The following ARID2 variants were observed in gnomAD, a reference collection of about 807,000 sequenced individuals.
ARID2 encodes the protein AT-rich interaction domain 2.
A neutral mutation model predicts 184.6 loss-of-function variants in ARID2; 32 were observed. The observed-to-expected ratio is 0.17, with a 90% confidence interval of 0.13 to 0.23. The LOEUF is 0.23. ARID2 is among the 10% of genes least tolerant of loss of function. The probability of loss-of-function intolerance (pLI) is 1.00; values close to 1 mark genes in which losing one functional copy is unlikely to be tolerated. For synonymous variants in ARID2, 836 were observed against 772.6 expected, an observed-to-expected ratio of 1.08 and a Z score of -1.36; for missense variants, 1,696 against 2,197.6, an observed-to-expected ratio of 0.77 and a Z score of 4.56.
In ARID2 at chr12:45,839,346, G is replaced by A. The variant is rs371956323; in HGVS notation, c.1348G>A (p.Val450Ile). The A allele has an allele frequency of 1.6e-5, 26 of 1,611,336 alleles. 1 individual carries two copies. The African/African-American group carries it at 3.1e-4, about 19-fold the overall frequency. ...EKSIDMLVCL[V>I]SMDIQMFGPD... ...TATTTTAGACATGTTAGTGTGTCTG[G>A]TTTCTATGGATATTCAGATGTTTGG... Residue 450 changes from valine to isoleucine, a missense_variant, in exon 11 of 21, where the codon GTT becomes ATT. Val to Ile is a conservative substitution (Grantham distance 29). This residue lies in a region of ARID2 where 86 missense variants were observed against 200.8 expected (regional missense o/e 0.43). Coordinates refer to ENST00000334344, the MANE Select transcript of ARID2 (RefSeq NM_152641.4).
Position 45,730,035 on chromosome 12 carries a change from C to T in ARID2, c.93-9C>T, listed in dbSNP as rs1241609790. 1.2e-5 allele frequency: 20 copies of T among 1,612,770 alleles called. No homozygotes were observed. The highest frequency in any genetic ancestry group is 1.6e-5 in the Non-Finnish European group (19 of 1,179,554). On this transcript the variant is annotated splice_polypyrimidine_tract_variant and intron_variant, in intron 1 of 20. Coordinates refer to ENST00000334344, the MANE Select transcript of ARID2 (RefSeq NM_152641.4). Reference sequence around the variant, plus strand: ...GGCTGACAAGTGCGGGGCTTTTTCTCTCCCGCAGGTCGCCTTTTAAAAAAA... The same window carrying T: ...GGCTGACAAGTGCGGGGCTTTTTCTTTCCCGCAGGTCGCCTTTTAAAAAAA...
chr12:45,870,884 A>G (rs753188719), intron 16 of ARID2, among the ~76,000 whole-genome samples: 28 of 152,260 alleles, frequency 1.8e-4, no homozygotes, highest in Admixed American at 2.0e-4. Context: ...ATTGCTTCCA[A>G]TTACTGGCAA....
At chr12:45,810,568 A>G (rs753137101) in intron 3 of ARID2, among the ~76,000 whole-genome samples, 5 of 152,326 alleles carry the variant, frequency 3.3e-5, no homozygotes, top group Middle Eastern at 3.4e-3. Flanking sequence ...TAATGTATCA[A>G]TAGGATCAAA....
At chr12:45,885,459 G>A (rs901011740) in intron 16 of ARID2, among the ~76,000 whole-genome samples, 114 of 151,888 alleles carry the variant, frequency 7.5e-4, no homozygotes, top group African/African-American at 2.7e-3. Flanking sequence ...AGGTGAGTTT[G>A]TTTGTTTGTT....
intron 12 of ARID2, 38 bp downstream of exon 12, chr12:45,846,975 A>G: frequency 4.4e-6 from 7 of 1,583,936 alleles, no homozygotes; most frequent in Non-Finnish European, 6.1e-6. Flanking sequence ...TATCCTTGGG[A>G]GGAGTAAAGC....
At chr12:45,835,420 A>G (rs906761623) in intron 6 of ARID2, among the ~76,000 whole-genome samples, 8 of 152,050 alleles carry the variant, frequency 5.3e-5, no homozygotes, top group African/African-American at 1.4e-4. Context: ...TTTTTGTGCA[A>G]TGGATTTCTT....
In ARID2 at chr12:45,760,392, T is replaced by G. The variant is rs141708697; in HGVS notation, c.284+29078T>G. On this transcript the variant is annotated intron_variant, in intron 3 of 20. Transcript: ENST00000334344. ...GGCATTTTTCAAATTTTGAGGTTTT[T>G]AAATTTTTTTTGTCATTTTCTGAAG... Among the ~76,000 whole-genome samples the G allele has an allele frequency of 2.6e-3, 400 of 152,308 alleles. 2 individuals carry two copies. The highest frequency in any genetic ancestry group is 9.0e-3 in the African/African-American group (376 of 41,582).
At chr12:45,848,511 A>G (rs1272859300) in intron 12 of ARID2, among the ~76,000 whole-genome samples, 2 of 152,164 alleles carry the variant, frequency 1.3e-5, no homozygotes, top group African/African-American at 4.8e-5. Flanking sequence ...ATTACAAGAC[A>G]GGATGCCGAA....
At position 45,851,400 on chromosome 12, in the gene ARID2, C is replaced by T. The variant is rs1483504309; in HGVS notation, c.3277C>T (p.Pro1093Ser). 3 of 1,614,130 alleles carry T rather than the reference C, an allele frequency of 1.9e-6. No homozygotes were observed. Among genetic ancestry groups the T allele is most frequent in the African/African-American group, 1.3e-5 (1 of 75,034 alleles). Residue 1093 changes from proline (P) to serine (S), a missense_variant, in exon 15 of 21, where the codon CCT becomes TCT. This residue lies in a region of ARID2 where 713 missense variants were observed against 824.4 expected (regional missense o/e 0.86). Transcript: ENST00000334344. ...TCCTCCCCCTAATAATGCAAGAGCT[C>T]CTAGCCCTCAGGTGGTCTATCAGGT... The part of the protein sequence containing the change: ...QIPPPNNARA[P>S]SPQVVYQVAS...
chr12:45,870,382 C>G lies in ARID2; in HGVS notation c.4922+9433C>G, dbSNP rs143724033. Among the ~76,000 whole-genome samples, 1,018 of 152,282 alleles carry G rather than the reference C, an allele frequency of 6.7e-3. 7 individuals are homozygous for G. Among genetic ancestry groups the G allele is most frequent in the Non-Finnish European group, 0.011 (738 of 68,000 alleles). On this transcript the variant is annotated intron_variant, in intron 16 of 20. Transcript: ENST00000334344. ...TCTCCGTCCTCCCTGCACACAGTTTCCACTATTATTGACACCTTGCATTAG... is the reference window on the plus strand; with the variant it reads ...TCTCCGTCCTCCCTGCACACAGTTTGCACTATTATTGACACCTTGCATTAG...
rs1944506532 is a variant in ARID2 at position 45,905,031 on chromosome 12, A to G, written c.5461A>G (p.Thr1821Ala). ...CAAATGCCTTTATGAACTTAATTTT[A>G]CAGTTCAGAGTAAGGAACAAGAAAA... Reference protein sequence around the residue: ...LAKCLYELNFTVQSKEQEKDS... With the variant: ...LAKCLYELNFAVQSKEQEKDS... Residue 1821 changes from threonine to alanine, a missense_variant, in exon 21 of 21, where the codon ACA becomes GCA. Physicochemically the swap from Thr to Ala is moderately conservative, Grantham distance 58. Coordinates refer to ENST00000334344, the MANE Select transcript of ARID2 (RefSeq NM_152641.4). 1.2e-6 allele frequency: 2 copies of G among 1,614,034 alleles called. No homozygotes were observed. Among genetic ancestry groups the G allele is most frequent in the Non-Finnish European group, 1.7e-6 (2 of 1,179,960 alleles).
At chr12:45,739,331 A>C (rs1280750977) in intron 3 of ARID2, among the ~76,000 whole-genome samples, 1 of 150,112 alleles carries the variant, frequency 6.7e-6, no homozygotes, top group African/African-American at 2.5e-5. Flanking sequence ...CATAGTTGCT[A>C]TTCATCTTAT....
intron 3 of ARID2, among the ~76,000 whole-genome samples, chr12:45,744,044 C>G (rs1004532420): frequency 6.6e-6 from 1 of 151,300 alleles, no homozygotes; most frequent in Non-Finnish European, 1.5e-5. Context: ...CTTGGTGTGT[C>G]ATCTGCAAAT....
intron 15 of ARID2, among the ~76,000 whole-genome samples, chr12:45,860,021 C>T (rs928765014): frequency 5.3e-5 from 8 of 152,128 alleles, no homozygotes; most frequent in Admixed American, 1.3e-4. Flanking sequence ...CATGAACCAC[C>T]GTGCCCAGCC....
intron 15 of ARID2, among the ~76,000 whole-genome samples, chr12:45,860,336 A>G (rs957887849): frequency 2.0e-5 from 3 of 152,236 alleles, no homozygotes; most frequent in Admixed American, 1.3e-4. Context: ...CATTATTGCT[A>G]TCTAAAATTT....
chr12:45,735,170 C>T (rs1461162644), intron 3 of ARID2, among the ~76,000 whole-genome samples: 2 of 151,504 alleles, frequency 1.3e-5, no homozygotes, highest in Non-Finnish European at 2.9e-5. Context: ...AGGGAGTTTA[C>T]ATTTGTTAGT....
chr12:45,729,869 C>A lies in ARID2; in HGVS notation c.33C>A (p.Asp11Glu). The change falls in exon 1 of 21, where the codon GAC (aspartate) becomes GAA (glutamate). Residue 11 changes from aspartate to glutamate, a missense_variant. By Grantham distance (45) the Asp-to-Glu change is conservative (BLOSUM62 2). Coordinates refer to ENST00000334344, the MANE Select transcript of ARID2 (RefSeq NM_152641.4). ...ACTCGACGGGGAAGGCGCCTCCGGACGAGCGGAGAAAGGGACTCGCTTTCC... is the reference window on the plus strand; with the variant it reads ...ACTCGACGGGGAAGGCGCCTCCGGAAGAGCGGAGAAAGGGACTCGCTTTCC... The part of the protein sequence containing the change: MANSTGKAPP[D>E]ERRKGLAFLD... 2 of 1,611,614 alleles carry A rather than the reference C, an allele frequency of 1.2e-6. No individual in the cohort carries two copies. The highest frequency in any genetic ancestry group is 1.7e-6 in the Non-Finnish European group (2 of 1,179,156).
intron 11 of ARID2, chr12:45,841,737 A>G (rs950636198): frequency 3.3e-5 from 5 of 152,196 alleles, no homozygotes; most frequent in Non-Finnish European, 7.4e-5. Flanking sequence ...TGATACCATC[A>G]TTCATTTTTT....
rs150929547 is a variant in ARID2 at position 45,890,647 on chromosome 12, G to A, written c.4923-1133G>A. ...AGGTATTTATATAGATGCATGTGAT[G>A]GAAATTAAATATATAACTTACTCTT... On this transcript the variant is annotated intron_variant, in intron 16 of 20. Coordinates refer to ENST00000334344, the MANE Select transcript of ARID2 (RefSeq NM_152641.4). Among the ~76,000 whole-genome samples, 142 of 151,970 alleles carry A rather than the reference G, an allele frequency of 9.3e-4. 2 individuals are homozygous for A. Among genetic ancestry groups the A allele is most frequent in the African/African-American group, 2.7e-3 (110 of 41,448 alleles).
Sources: gnomAD v4.1 joint callset for allele counts (sites outside exome capture counted in the v4.1 genomes callset) on GRCh38, gnomAD v4.1.1 for gene constraint, gnomAD v4.1.1 regional missense constraint, MANE v1.5 for transcripts, NCBI Gene and HGNC (gene_info 2026-07-23, HGNC 2026-07-21) for gene names.